The following FSTL4 variants were observed in gnomAD, a reference collection of about 807,000 sequenced individuals.
The protein encoded by FSTL4 is follistatin like 4.
FSTL4 carries 28 observed loss-of-function variants against 78.2 expected under a neutral mutation model. The observed-to-expected ratio is 0.36, with a 90% CI of 0.27 to 0.49. FSTL4 has a LOEUF of 0.49. FSTL4 is among the 20% of genes least tolerant of loss of function. The pLI is 0.98. For missense variants in FSTL4, 922 were observed against 1,084.9 expected, an observed-to-expected ratio of 0.85 and a Z score of 2.11; for synonymous variants, 422 against 440.5, an observed-to-expected ratio of 0.96 and a Z score of 0.53.
chr5:133,822,027 T>C, the FSTL4 span, among the ~76,000 whole-genome samples: 14 of 152,260 alleles, frequency 9.2e-5, no homozygotes, highest in African/African-American at 2.6e-4. Context: ...CCTGCACTTC[T>C]TGAGTGACAA....
chr5:133,671,365 C>G, the FSTL4 span, among the ~76,000 whole-genome samples: 1 of 152,198 alleles, frequency 6.6e-6, no homozygotes, highest in Non-Finnish European at 1.5e-5. Flanking sequence ...ACACATGCAC[C>G]ATCTCTTTTA....
At chr5:133,502,325 T>C (rs2112878807) in intron 3 of FSTL4, among the ~76,000 whole-genome samples, 1 of 152,292 alleles carries the variant, frequency 6.6e-6, no homozygotes, top group East Asian at 1.9e-4. Flanking sequence ...AATCAAATCC[T>C]GACAAGGATC....
chr5:133,414,169 A>C (rs1193760060), intron 3 of FSTL4, among the ~76,000 whole-genome samples: 2 of 152,164 alleles, frequency 1.3e-5, no homozygotes, highest in Non-Finnish European at 2.9e-5. Flanking sequence ...TTTATGTTTG[A>C]GATTTTTCAG....
intron 3 of FSTL4, among the ~76,000 whole-genome samples, chr5:133,461,717 T>C (rs1477982578): frequency 6.6e-6 from 1 of 152,256 alleles, no homozygotes; most frequent in Non-Finnish European, 1.5e-5. Context: ...TTCACTATTC[T>C]GCTATTCATA....
At chr5:133,300,595 C>T (rs1389064876) in intron 6 of FSTL4, among the ~76,000 whole-genome samples, 2 of 152,158 alleles carry the variant, frequency 1.3e-5, no homozygotes, top group Non-Finnish European at 2.9e-5. Context: ...AGCAATTTAC[C>T]GAGGGATGGG....
chr5:133,291,494 T>C (rs1753261856), intron 6 of FSTL4, among the ~76,000 whole-genome samples: 1 of 152,234 alleles, frequency 6.6e-6, no homozygotes, highest in East Asian at 1.9e-4. Flanking sequence ...TGGTAGACAC[T>C]GTATGGCTTA....
intron 8 of FSTL4, among the ~76,000 whole-genome samples, chr5:133,230,215 G>A (rs890793471): frequency 6.6e-5 from 10 of 152,138 alleles, no homozygotes; most frequent in African/African-American, 1.4e-4. Flanking sequence ...CACATGAATC[G>A]CATAGGGGCA....
chr5:133,229,081 C>T (rs536261992), intron 8 of FSTL4, among the ~76,000 whole-genome samples: 114 of 152,128 alleles, frequency 7.5e-4, no homozygotes, highest in Non-Finnish European at 1.2e-3. Context: ...TAATGGAACT[C>T]AATGAAGAAA....
chr5:133,476,158 C>G (rs1259359915), intron 3 of FSTL4, among the ~76,000 whole-genome samples: 1 of 152,110 alleles, frequency 6.6e-6, no homozygotes, highest in East Asian at 1.9e-4. Flanking sequence ...ATCATCACTC[C>G]CGGATAAGAG....
intron 6 of FSTL4, among the ~76,000 whole-genome samples, chr5:133,301,110 G>A (rs200951918): frequency 6.6e-6 from 1 of 152,202 alleles, no homozygotes; most frequent in South Asian, 2.1e-4. Context: ...CGCAGCACAG[G>A]TGAACAGCTC....
chr5:133,315,963 A>C (rs1753893509), intron 5 of FSTL4, among the ~76,000 whole-genome samples: 1 of 152,180 alleles, frequency 6.6e-6, no homozygotes, highest in African/African-American at 2.4e-5. Flanking sequence ...CTCAGGGTGT[A>C]ATGCAAGTGT....
chr5:133,452,567 T>C (rs116235303), intron 3 of FSTL4, among the ~76,000 whole-genome samples: 2,079 of 152,350 alleles, frequency 0.014, 44 homozygotes, highest in African/African-American at 0.048. Flanking sequence ...GAGGTGCACA[T>C]GTATTAACTC....
At chr5:133,505,517 C>G (rs1758595638) in intron 3 of FSTL4, among the ~76,000 whole-genome samples, 1 of 152,014 alleles carries the variant, frequency 6.6e-6, no homozygotes, top group Non-Finnish European at 1.5e-5. Context: ...GCCCAGAAGA[C>G]AAACAGTAAG....
chr5:133,278,747 A>G (rs1003433137), intron 6 of FSTL4, among the ~76,000 whole-genome samples: 1 of 152,216 alleles, frequency 6.6e-6, no homozygotes, highest in African/African-American at 2.4e-5. Flanking sequence ...TCTGCAGGCC[A>G]CTGCCATCTA....
At chr5:133,216,105 T>G (rs1393773619) in intron 13 of FSTL4, among the ~76,000 whole-genome samples, 1 of 152,240 alleles carries the variant, frequency 6.6e-6, no homozygotes, top group Non-Finnish European at 1.5e-5. Context: ...CCTTCTATAG[T>G]TGCTTAAGTT....
At chr5:133,578,496 G>T (rs943781079) in intron 2 of FSTL4, among the ~76,000 whole-genome samples, 2 of 152,204 alleles carry the variant, frequency 1.3e-5, no homozygotes, top group Non-Finnish European at 2.9e-5. Flanking sequence ...GGAAGCAAAG[G>T]GTGGTCAGTG....
chr5:133,602,969 G>A (rs867236500), intron 2 of FSTL4, among the ~76,000 whole-genome samples: 2 of 151,966 alleles, frequency 1.3e-5, no homozygotes, highest in African/African-American at 2.4e-5. Flanking sequence ...TTCTCATTCC[G>A]CAGGACAGGA....
the FSTL4 span, among the ~76,000 whole-genome samples, chr5:133,770,873 C>A: frequency 5.3e-5 from 8 of 151,968 alleles, no homozygotes; most frequent in African/African-American, 1.9e-4. Context: ...ATGTTTAGGT[C>A]TTCAATCCAT....
the FSTL4 span, among the ~76,000 whole-genome samples, chr5:133,825,150 G>A: frequency 9.2e-5 from 14 of 152,238 alleles, no homozygotes; most frequent in African/African-American, 2.9e-4. Flanking sequence ...AGACTCAGGA[G>A]TCAAAACCAG....
Sources: allele counts gnomAD v4.1 joint callset (sites outside exome capture counted in the v4.1 genomes callset), GRCh38; gene constraint gnomAD v4.1.1; transcripts MANE v1.5; gene names NCBI Gene and HGNC (gene_info 2026-07-23, HGNC 2026-07-21).